Variants in SPATA16 observed in about 807,000 individuals in gnomAD.
SPATA16 encodes the protein spermatogenesis-associated protein 16.
A neutral mutation model predicts 63.3 loss-of-function variants in SPATA16; 36 were observed. The observed-to-expected ratio is 0.57, with a 90% CI of 0.44 to 0.75. SPATA16 has a LOEUF of 0.75. Ranked by LOEUF, SPATA16 falls within the 30% of genes least tolerant of loss-of-function variation. SPATA16 has a pLI of 0.00. For missense variants in SPATA16, 646 were observed against 679.3 expected (o/e 0.95, Z 0.54); for synonymous variants, 203 against 216.7 (o/e 0.94, Z 0.56).
chr3:173,023,670 ATT>A (rs1735387275), intron 3 of SPATA16, among the ~76,000 whole-genome samples: 1 of 151,774 alleles, frequency 6.6e-6, no homozygotes, highest in Non-Finnish European at 1.5e-5. Context: ...TTATTCAAAT[ATT>A]CTTTTGTGTC....
At chr3:172,919,790 G>T (rs1732578510) in intron 8 of SPATA16, among the ~76,000 whole-genome samples, 1 of 150,794 alleles carries the variant, frequency 6.6e-6, no homozygotes, top group Non-Finnish European at 1.5e-5. Context: ...CAATTCTCTT[G>T]CTTCAGCCTC....
intron 10 of SPATA16, among the ~76,000 whole-genome samples, chr3:172,905,285 A>C (rs966050142): frequency 6.6e-6 from 1 of 152,154 alleles, no homozygotes; most frequent in Admixed American, 6.5e-5. Flanking sequence ...TGCTGGAAAG[A>C]CTGCTTTGCA....
intron 6 of SPATA16, among the ~76,000 whole-genome samples, chr3:172,926,973 G>A (rs868203007): frequency 5.3e-5 from 8 of 152,170 alleles, no homozygotes; most frequent in African/African-American, 1.9e-4. Context: ...AAATATTAAC[G>A]TAGACTCAGA....
intron 6 of SPATA16, among the ~76,000 whole-genome samples, chr3:172,944,710 CATT>C (rs1339227102): frequency 2.0e-5 from 3 of 152,176 alleles, no homozygotes; most frequent in Admixed American, 6.5e-5. Context: ...ACTTTGAAGA[CATT>C]ATGCTAAGTG....
intron 3 of SPATA16, among the ~76,000 whole-genome samples, chr3:173,033,780 C>G (rs1735656418): frequency 6.6e-6 from 1 of 152,214 alleles, no homozygotes; most frequent in Non-Finnish European, 1.5e-5. Context: ...TCTTGGCTCT[C>G]TGCAACTTCT....
At chr3:173,061,547 T>G (rs1736378930) in intron 2 of SPATA16, among the ~76,000 whole-genome samples, 1 of 152,252 alleles carries the variant, frequency 6.6e-6, no homozygotes, top group African/African-American at 2.4e-5. Flanking sequence ...TGCAGATTCC[T>G]TAATGGGATC....
chr3:173,037,085 A>G (rs545936870), intron 3 of SPATA16, among the ~76,000 whole-genome samples: 2 of 152,132 alleles, frequency 1.3e-5, no homozygotes, highest in African/African-American at 4.8e-5. Context: ...AAAATCCTCA[A>G]AGTTTGAGGA....
At chr3:173,014,452 G>T (rs1383062586) in intron 4 of SPATA16, among the ~76,000 whole-genome samples, 1 of 152,122 alleles carries the variant, frequency 6.6e-6, no homozygotes, top group Non-Finnish European at 1.5e-5. Flanking sequence ...GAGAGGGAGG[G>T]GCGTAAGGGT....
chr3:172,952,938 CAAA>C (rs60404306), intron 6 of SPATA16, among the ~76,000 whole-genome samples: 28,055 of 75,938 alleles, frequency 0.37, 1,918 homozygotes, highest in East Asian at 0.43. Flanking sequence ...GACTCCATCT[CAAA>C]AAAAAAAAAA....
At chr3:173,042,935 T>C (rs1344792529) in intron 3 of SPATA16, among the ~76,000 whole-genome samples, 1 of 152,160 alleles carries the variant, frequency 6.6e-6, no homozygotes, top group Non-Finnish European at 1.5e-5. Flanking sequence ...TATTTTCATC[T>C]CTAGTAGTAC....
chr3:173,132,025 A>G (rs1016458003), intron 1 of SPATA16, among the ~76,000 whole-genome samples: 4 of 152,210 alleles, frequency 2.6e-5, no homozygotes, highest in African/African-American at 9.6e-5. Flanking sequence ...TCAAGACATT[A>G]GAGCTAGGTA....
At chr3:173,014,110 C>T (rs1314303149) in intron 4 of SPATA16, among the ~76,000 whole-genome samples, 1 of 152,208 alleles carries the variant, frequency 6.6e-6, no homozygotes, top group East Asian at 1.9e-4. Flanking sequence ...ACAAACCATT[C>T]CACCAAAAAG....
intron 4 of SPATA16, among the ~76,000 whole-genome samples, chr3:172,979,317 A>C (rs1553788585): frequency 1.3e-5 from 2 of 152,194 alleles, no homozygotes; most frequent in Non-Finnish European, 2.9e-5. Context: ...TCAATCTGCT[A>C]TTTTCTCTTC....
chr3:173,033,894 G>A (rs1260975318), intron 3 of SPATA16, among the ~76,000 whole-genome samples: 8 of 151,892 alleles, frequency 5.3e-5, no homozygotes, highest in East Asian at 1.9e-4. Flanking sequence ...TAGTACAGAC[G>A]GGGTTTCACT....
At chr3:172,901,190 A>T (rs1732119144) in intron 10 of SPATA16, among the ~76,000 whole-genome samples, 1 of 152,038 alleles carries the variant, frequency 6.6e-6, no homozygotes, top group African/African-American at 2.4e-5. Flanking sequence ...TGCCTGCTTT[A>T]AAACATCAGA....
At chr3:173,005,682 A>G (rs1734930101) in intron 4 of SPATA16, among the ~76,000 whole-genome samples, 1 of 152,244 alleles carries the variant, frequency 6.6e-6, no homozygotes, top group African/African-American at 2.4e-5. Flanking sequence ...ATTAACATCA[A>G]TGCAGGATGG....
At chr3:173,025,516 T>C (rs898764030) in intron 3 of SPATA16, among the ~76,000 whole-genome samples, 1 of 151,932 alleles carries the variant, frequency 6.6e-6, no homozygotes, top group Admixed American at 6.6e-5. Flanking sequence ...GTATATAGTT[T>C]GGTCTGTTTC....
chr3:172,953,656 G>A (rs899269520), intron 6 of SPATA16, among the ~76,000 whole-genome samples: 1 of 152,202 alleles, frequency 6.6e-6, no homozygotes, highest in Non-Finnish European at 1.5e-5. Flanking sequence ...GCTGATCTCA[G>A]GTAGCACCAG....
At chr3:172,992,147 G>T (rs1194826367) in intron 4 of SPATA16, among the ~76,000 whole-genome samples, 1 of 152,044 alleles carries the variant, frequency 6.6e-6, no homozygotes, top group South Asian at 2.1e-4. Flanking sequence ...TGCTTGAAGG[G>T]GGGTAATGCA....
Sources: allele counts gnomAD v4.1 joint callset (sites outside exome capture counted in the v4.1 genomes callset), GRCh38; gene constraint gnomAD v4.1.1; transcripts MANE v1.5; gene names NCBI Gene and HGNC (gene_info 2026-07-23, HGNC 2026-07-21).